The following PTPRD variants were observed in gnomAD, a reference collection of about 807,000 sequenced individuals.
PTPRD encodes protein tyrosine phosphatase receptor type D, also known as receptor-type tyrosine-protein phosphatase delta.
Under a neutral mutation model 214.5 loss-of-function variants are expected in PTPRD, and 34 were observed. The ratio of observed to expected loss-of-function variants is 0.16; its 90% CI spans 0.12 to 0.21. The LOEUF (loss-of-function observed/expected upper bound fraction) is 0.21. PTPRD is among the 10% of genes least tolerant of loss of function. PTPRD has a pLI of 1.00. For synonymous variants in PTPRD, 1,128 were observed against 845.7 expected (o/e 1.33, Z -5.79); for missense variants, 2,545 against 2,398.7 (o/e 1.06, Z -1.27).
intron 11 of PTPRD, among the ~76,000 whole-genome samples, chr9:8,970,837 G>A (rs912523258): frequency 1.3e-5 from 2 of 151,690 alleles, no homozygotes; most frequent in African/African-American, 4.8e-5. Context: ...AATACAGGTA[G>A]CTCATCTGAA....
intron 3 of PTPRD, among the ~76,000 whole-genome samples, chr9:10,239,200 G>A (rs977935811): frequency 6.6e-6 from 1 of 151,816 alleles, no homozygotes; most frequent in Non-Finnish European, 1.5e-5. Flanking sequence ...TAAATCAATA[G>A]TTGTTTTCCA....
intron 35 of PTPRD, among the ~76,000 whole-genome samples, chr9:8,407,047 C>T (rs773393214): frequency 6.6e-6 from 1 of 152,190 alleles, no homozygotes; most frequent in Non-Finnish European, 1.5e-5. Context: ...AAACTGTTAA[C>T]TCATGTCCAT....
intron 12 of PTPRD, among the ~76,000 whole-genome samples, chr9:8,725,324 G>C (rs958478208): frequency 5.3e-5 from 8 of 152,204 alleles, no homozygotes; most frequent in Non-Finnish European, 1.2e-4. Flanking sequence ...TAGAGTTTAA[G>C]CTTTTTAGGG....
chr9:9,598,827 G>T (rs185006018), intron 7 of PTPRD, among the ~76,000 whole-genome samples: 2 of 152,054 alleles, frequency 1.3e-5, no homozygotes, highest in East Asian at 3.9e-4. Flanking sequence ...ACTTGAGTTT[G>T]AATTCTGGCT....
chr9:9,979,958 T>C lies in PTPRD; in HGVS notation c.-471-41348A>G, dbSNP rs191191933. On this transcript the variant is annotated intron_variant, in intron 4 of 45. Transcript: ENST00000381196. ...TGACACTGAGAAAAGTAAAATTCGA[T>C]CCTGATCATAGACTCTTGTTGTATT... is the stretch of plus-strand genomic sequence containing the variant. 1.1e-3 allele frequency among the ~76,000 whole-genome samples: 169 copies of C among 152,290 alleles called. 3 individuals are homozygous for C. Among genetic ancestry groups the C allele is most frequent in the Non-Finnish European group, 1.7e-3 (118 of 68,018 alleles).
chr9:8,509,486 C>T (rs1161851972), intron 21 of PTPRD, among the ~76,000 whole-genome samples: 1 of 152,108 alleles, frequency 6.6e-6, no homozygotes, highest in African/African-American at 2.4e-5. Flanking sequence ...GTGTTAACTC[C>T]TGACTCAAAC....
intron 11 of PTPRD, among the ~76,000 whole-genome samples, chr9:8,873,826 C>G (rs966437079): frequency 1.3e-5 from 2 of 152,038 alleles, no homozygotes; most frequent in East Asian, 3.9e-4. Context: ...AGGTAAGACA[C>G]CAAATAGTCT....
At chr9:9,097,293 T>C (rs1272948561) in intron 10 of PTPRD, among the ~76,000 whole-genome samples, 1 of 152,108 alleles carries the variant, frequency 6.6e-6, no homozygotes, top group African/African-American at 2.4e-5. Flanking sequence ...AGATTCTGGT[T>C]GGGGCCTAAA....
intron 36 of PTPRD, among the ~76,000 whole-genome samples, chr9:8,395,309 C>T (rs2090820271): frequency 6.6e-6 from 1 of 152,076 alleles, no homozygotes; most frequent in Non-Finnish European, 1.5e-5. Context: ...AGGTTAAGAC[C>T]TAGATTGCAA....
chr9:9,506,624 C>T (rs1313254814), intron 8 of PTPRD, among the ~76,000 whole-genome samples: 1 of 151,278 alleles, frequency 6.6e-6, no homozygotes, highest in East Asian at 1.9e-4. Flanking sequence ...TCAGCATATT[C>T]CTTTTTTTAA....
At chr9:9,264,308 C>T (rs954462857) in intron 9 of PTPRD, among the ~76,000 whole-genome samples, 32 of 151,264 alleles carry the variant, frequency 2.1e-4, no homozygotes, top group Admixed American at 1.6e-3. Context: ...TCAACAAGAC[C>T]GAAGTTTAAT....
At chr9:9,635,255 T>C (rs769338076) in intron 7 of PTPRD, among the ~76,000 whole-genome samples, 1 of 152,156 alleles carries the variant, frequency 6.6e-6, no homozygotes, top group Non-Finnish European at 1.5e-5. Flanking sequence ...TCAAAGTACA[T>C]TGAGAGCATA....
chr9:8,382,892 T>G (rs1321570919), intron 37 of PTPRD, among the ~76,000 whole-genome samples: 1 of 152,214 alleles, frequency 6.6e-6, no homozygotes, highest in Non-Finnish European at 1.5e-5. Context: ...TCACGGCCTT[T>G]GGCGCTTCCA....
chr9:8,771,331 G>A (rs151277545), intron 11 of PTPRD, among the ~76,000 whole-genome samples: 11 of 152,174 alleles, frequency 7.2e-5, no homozygotes, highest in African/African-American at 2.2e-4. Context: ...ATGCAAGTCC[G>A]TGTACACAAA....
intron 5 of PTPRD, among the ~76,000 whole-genome samples, chr9:9,813,920 G>A (rs1057031222): frequency 2.0e-5 from 3 of 152,074 alleles, no homozygotes; most frequent in Non-Finnish European, 2.9e-5. Flanking sequence ...ATGATCAATT[G>A]GGATTTATCC....
At chr9:9,379,290 G>A (rs2061556304) in intron 9 of PTPRD, among the ~76,000 whole-genome samples, 2 of 150,290 alleles carry the variant, frequency 1.3e-5, no homozygotes, top group African/African-American at 4.9e-5. Flanking sequence ...TTGTTGAAAG[G>A]ATTATCTTTA....
intron 7 of PTPRD, among the ~76,000 whole-genome samples, chr9:9,613,839 C>T (rs1456481000): frequency 1.3e-5 from 2 of 152,100 alleles, no homozygotes; most frequent in African/African-American, 4.8e-5. Context: ...CTGGATAACA[C>T]TTCTAATAAT....
chr9:9,249,828 G>T (rs763314859), intron 9 of PTPRD, among the ~76,000 whole-genome samples: 2 of 152,026 alleles, frequency 1.3e-5, no homozygotes, highest in Non-Finnish European at 2.9e-5. Context: ...ACTGAACTGG[G>T]AGATGAAAAG....
chr9:10,289,718 T>C (rs1163877555), intron 3 of PTPRD, among the ~76,000 whole-genome samples: 1 of 152,204 alleles, frequency 6.6e-6, no homozygotes, highest in East Asian at 1.9e-4. Flanking sequence ...TCTTGCCATA[T>C]AATTTGGCAC....
Sources: allele counts gnomAD v4.1 joint callset (sites outside exome capture counted in the v4.1 genomes callset), GRCh38; gene constraint gnomAD v4.1.1; transcripts MANE v1.5; gene names NCBI Gene and HGNC (gene_info 2026-07-23, HGNC 2026-07-21).